Variants in TSHZ3 observed in about 807,000 individuals in gnomAD.
The protein encoded by TSHZ3 is teashirt homolog 3.
In TSHZ3, 10 loss-of-function variants were observed where a neutral mutation model predicts 64.5. The observed-to-expected ratio is 0.16, with a 90% CI of 0.10 to 0.26. The LOEUF (loss-of-function observed/expected upper bound fraction) is 0.26, where lower values mean the gene tolerates loss of function less well. Ranked by LOEUF, TSHZ3 falls within the 10% of genes least tolerant of loss-of-function variation. The pLI is 1.00. For missense variants in TSHZ3, 1,242 were observed against 1,421.7 expected (o/e 0.87, Z 2.03); for synonymous variants, 608 against 593.1 (o/e 1.03, Z -0.36).
intron 1 of TSHZ3, among the ~76,000 whole-genome samples, chr19:31,336,749 C>T (rs1318856625): frequency 1.3e-5 from 2 of 152,142 alleles, no homozygotes; most frequent in Non-Finnish European, 2.9e-5. Context: ...AGACCCCAGC[C>T]TGTGCCTCCT....
chr19:31,161,224 T>C (rs909543159), intron 5 of TSHZ3, among the ~76,000 whole-genome samples: 6 of 152,182 alleles, frequency 3.9e-5, no homozygotes, highest in Non-Finnish European at 8.8e-5. Flanking sequence ...TTGGTGAGCC[T>C]AGATTCTGGA....
chr19:31,334,324 G>C (rs1917180295), intron 1 of TSHZ3, among the ~76,000 whole-genome samples: 1 of 152,182 alleles, frequency 6.6e-6, no homozygotes, highest in Non-Finnish European at 1.5e-5. Flanking sequence ...ACAAAGGCAA[G>C]AAATGGAATG....
chr19:31,210,557 T>C (rs1439322893), intron 4 of TSHZ3, among the ~76,000 whole-genome samples: 2 of 152,022 alleles, frequency 1.3e-5, no homozygotes, highest in African/African-American at 4.8e-5. Context: ...GTTTCATGAG[T>C]GTCTAGGGGT....
intron 3 of TSHZ3, among the ~76,000 whole-genome samples, chr19:31,229,334 T>C (rs185882702): frequency 6.6e-6 from 1 of 152,294 alleles, no homozygotes; most frequent in East Asian, 1.9e-4. Context: ...TAAAATAGAA[T>C]GTTATTGGAC....
chr19:31,243,860 A>C (rs1006848414), intron 1 of TSHZ3, among the ~76,000 whole-genome samples: 4 of 152,098 alleles, frequency 2.6e-5, no homozygotes, highest in Non-Finnish European at 5.9e-5. Context: ...TCAAATCATG[A>C]TTTCTCATGT....
At chr19:31,234,099 T>A (rs1975576863) in intron 3 of TSHZ3, among the ~76,000 whole-genome samples, 2 of 152,176 alleles carry the variant, frequency 1.3e-5, no homozygotes, top group Admixed American at 1.3e-4. Context: ...TCAAAAATGT[T>A]TTATAGCTTT....
At chr19:31,224,485 C>T (rs1337057996) in intron 4 of TSHZ3, among the ~76,000 whole-genome samples, 2 of 152,208 alleles carry the variant, frequency 1.3e-5, no homozygotes, top group Non-Finnish European at 2.9e-5. Context: ...GTGACGTTTG[C>T]TGTGAAGACA....
At chr19:31,226,805 T>A (rs1975468879) in intron 4 of TSHZ3, among the ~76,000 whole-genome samples, 1 of 152,064 alleles carries the variant, frequency 6.6e-6, no homozygotes, top group South Asian at 2.1e-4. Context: ...CCTTTCAGAC[T>A]CAAAAACATC....
chr19:31,278,720 G>A lies in TSHZ3; in HGVS notation c.1073C>T (p.Pro358Leu). 1.9e-6 allele frequency: 3 copies of A among 1,614,144 alleles called. No homozygotes were observed. The highest frequency in any genetic ancestry group is 1.7e-6 in the Non-Finnish European group (2 of 1,180,034). ...GTACCGATTATTTGGCGTGATGTAA[G>A]GGTTGGAGTTCTTCTGAAGTGCATC... ...TNDALQKNSN[P>L]YITPNNRYGH... Residue 358 changes from proline (P) to leucine (L), a missense_variant, in exon 2 of 2, where the codon CCT becomes CTT. Physicochemically the swap from Pro to Leu is moderately conservative, Grantham distance 98. Around this residue, in one of 4 missense-constraint regions of TSHZ3, gnomAD observed 555 missense variants for 704.0 expected, o/e 0.79. Transcript: ENST00000240587. The surrounding 1 kb of genome is among the most constrained non-coding windows in gnomAD (Gnocchi z 4.7).
intron 6 of TSHZ3, among the ~76,000 whole-genome samples, chr19:31,152,115 G>T (rs560802820): frequency 1.7e-4 from 26 of 151,316 alleles, no homozygotes; most frequent in Admixed American, 7.3e-4. Context: ...TACAGATGAA[G>T]AATTCTGCTT....
chr19:31,313,176 G>T (rs1400254725), intron 1 of TSHZ3, among the ~76,000 whole-genome samples: 1 of 152,032 alleles, frequency 6.6e-6, no homozygotes, highest in African/African-American at 2.4e-5. Flanking sequence ...CCCAGGTGAG[G>T]GCTTTGCTCT....
At chr19:31,178,410 G>A (rs143205909) in intron 5 of TSHZ3, among the ~76,000 whole-genome samples, 65 of 152,312 alleles carry the variant, frequency 4.3e-4, no homozygotes, top group Middle Eastern at 3.4e-3. Context: ...AGGTGCTATC[G>A]GTTGGGCATG....
At chr19:31,182,694 G>A (rs1414395588) in intron 5 of TSHZ3, among the ~76,000 whole-genome samples, 1 of 152,130 alleles carries the variant, frequency 6.6e-6, no homozygotes, top group East Asian at 1.9e-4. Flanking sequence ...AGATAGAAGT[G>A]TATTGCTTTA....
intron 5 of TSHZ3, among the ~76,000 whole-genome samples, chr19:31,181,412 C>G (rs191168594): frequency 6.6e-6 from 1 of 152,224 alleles, no homozygotes; most frequent in Admixed American, 6.5e-5. Context: ...GATGTACCAT[C>G]TGAGCAGAGA....
chr19:31,300,716 G>C (rs1976741414), intron 1 of TSHZ3, among the ~76,000 whole-genome samples: 1 of 152,054 alleles, frequency 6.6e-6, no homozygotes, highest in African/African-American at 2.4e-5. Context: ...CCTCTGATTT[G>C]ATCCAAATTG....
intron 1 of TSHZ3, among the ~76,000 whole-genome samples, chr19:31,323,454 G>C (rs916268592): frequency 1.9e-4 from 29 of 152,316 alleles, no homozygotes; most frequent in Non-Finnish European, 3.5e-4. Context: ...CATGAGTTTT[G>C]CCATTTAAGT....
rs749690384 is a variant in TSHZ3, at chr19:31,278,019, C to T, written c.1774G>A (p.Val592Ile). 9.9e-6 allele frequency: 16 copies of T among 1,613,752 alleles called. No homozygotes were observed. In the South Asian group the frequency reaches 1.8e-4, roughly 18 times the overall value. The change falls in exon 2 of 2, where the codon GTC becomes ATC. Residue 592 changes from valine (V) to isoleucine (I), a missense_variant. Physicochemically the swap from Val to Ile is conservative, Grantham distance 29. Transcript: ENST00000240587. The surrounding 1 kb of genome is among the most constrained non-coding windows in gnomAD (Gnocchi z 4.7). ...IVSPTKNQTL[V>I]SPPSSQTSPM... is the part of the protein sequence containing the mutation. ...GACGTCTGGCTGCTGGGTGGAGAGA[C>T]CAGGGTCTGGTTTTTCGTCGGGGAG...
At chr19:31,307,234 C>T (rs945992995) in intron 1 of TSHZ3, among the ~76,000 whole-genome samples, 11 of 152,220 alleles carry the variant, frequency 7.2e-5, no homozygotes, top group African/African-American at 1.2e-4. Flanking sequence ...GCCAAGTGCC[C>T]GCCCTGTTCT....
intron 4 of TSHZ3, among the ~76,000 whole-genome samples, chr19:31,220,382 T>A (rs919791662): frequency 6.6e-6 from 1 of 152,138 alleles, no homozygotes; most frequent in Non-Finnish European, 1.5e-5. Flanking sequence ...GGTAAAGAGA[T>A]GAATAAGTGA....
Sources: allele counts gnomAD v4.1 joint callset (sites outside exome capture counted in the v4.1 genomes callset), GRCh38; gene constraint gnomAD v4.1.1; regional missense constraint gnomAD v4.1.1; non-coding constraint Gnocchi (gnomAD v3.1); transcripts MANE v1.5; gene names NCBI Gene and HGNC (gene_info 2026-07-23, HGNC 2026-07-21).